NEDD9: variants seen among roughly 807,000 people sequenced by gnomAD.
NEDD9 encodes the protein enhancer of filamentation 1.
Under a neutral mutation model 76.6 loss-of-function variants are expected in NEDD9, and 26 were observed. The ratio of observed to expected loss-of-function variants is 0.34; its 90% CI spans 0.25 to 0.47. The LOEUF (loss-of-function observed/expected upper bound fraction) is 0.47, where lower values mean the gene tolerates loss of function less well. Among genes scored for constraint, NEDD9 ranks in the 20% least tolerant of loss-of-function variants. The pLI, the probability that NEDD9 is intolerant of heterozygous loss-of-function variation, is 1.00. For missense variants in NEDD9, 937 were observed against 1,058.5 expected (o/e 0.89, Z 1.59); for synonymous variants, 392 against 414.2 (o/e 0.95, Z 0.65).
chr6:11,192,739 C>T (rs987601200), intron 3 of NEDD9, among the ~76,000 whole-genome samples: 1 of 148,830 alleles, frequency 6.7e-6, no homozygotes, highest in African/African-American at 2.5e-5. Flanking sequence ...TCGAGACCAT[C>T]CTGGCCAACA....
In NEDD9 at chr6:11,345,250, G is replaced by T. The variant is rs953018790; in HGVS notation, c.-213-10689C>A. On this transcript the variant is annotated intron_variant, in intron 1 of 3. Transcript: ENST00000397378. The stretch of plus-strand genomic sequence containing the variant: ...GGGAAGAGCTGGGGCTAGGGAATGA[G>T]AGATGAAGATGAGCTGATTTAATGC... Among the ~76,000 whole-genome samples, 4 of 152,218 alleles carry T rather than the reference G, an allele frequency of 2.6e-5. No homozygotes were observed. The South Asian group carries it at 8.3e-4, about 32-fold the overall frequency.
intron 3 of NEDD9, among the ~76,000 whole-genome samples, chr6:11,261,851 G>A (rs546708758): frequency 1.2e-4 from 18 of 152,074 alleles, no homozygotes; most frequent in Non-Finnish European, 2.2e-4. Flanking sequence ...TCGGCCCAGC[G>A]GTGAAGCTTG....
chr6:11,205,111 A>G (rs149427931), intron 2 of NEDD9, among the ~76,000 whole-genome samples: 1,656 of 152,336 alleles, frequency 0.011, 28 homozygotes, highest in African/African-American at 0.038. Context: ...AATCATTAGC[A>G]TTGGAGTCAG....
intron 1 of NEDD9, among the ~76,000 whole-genome samples, chr6:11,217,204 A>G (rs935820610): frequency 3.3e-5 from 5 of 152,340 alleles, no homozygotes; most frequent in Non-Finnish European, 5.9e-5. Context: ...ACCATAAACC[A>G]TCTCATTCAA....
rs34890588 is a variant in NEDD9 at position 11,197,252 on chromosome 6, CTT to C, written c.460-3562_460-3561del. Among the ~76,000 whole-genome samples, 31 of 144,596 alleles carry C rather than the reference CTT, an allele frequency of 2.1e-4. No homozygotes were observed. In the East Asian group the frequency reaches 3.4e-3, roughly 16 times the overall value. 94.9% of individuals were successfully genotyped at this position (144,596 alleles called of 152,430 possible). A position where few individuals can be genotyped will look rare whatever the true frequency, so the allele number is the denominator to read the frequency against. ...TTCATTTCCTTTCCCCCTCTGTTTGCTTTTTTTTTTTTCTACATTCCTTTCAT... is the reference window on the plus strand; with the variant it reads ...TTCATTTCCTTTCCCCCTCTGTTTGCTTTTTTTTTTCTACATTCCTTTCAT... On this transcript the variant is annotated intron_variant, in intron 2 of 6. Transcript: ENST00000379446.
At position 11,184,947 on chromosome 6, in the gene NEDD9, T is replaced by G; in HGVS notation, c.*215A>C. 1.9e-6 allele frequency: 1 copy of G among 529,476 alleles called. No homozygotes were observed. The highest frequency in any genetic ancestry group is 3.2e-6 in the Non-Finnish European group (1 of 313,396). 32.8% of individuals were successfully genotyped at this position (529,476 alleles called of 1,614,324 possible). A position where few individuals can be genotyped will look rare whatever the true frequency, so the allele number is the denominator to read the frequency against. On this transcript the variant is annotated 3_prime_UTR_variant, in exon 7 of 7. Transcript: ENST00000379446. ...TCTGTACAGTTTATGTCTCAGATAC[T>G]TCTATGTATACATAAGAACCACTCA...
chr6:11,292,063 G>C (rs1191862900), intron 3 of NEDD9, among the ~76,000 whole-genome samples: 1 of 152,182 alleles, frequency 6.6e-6, no homozygotes, highest in Non-Finnish European at 1.5e-5. Context: ...GGGGAAAATA[G>C]ACTTACTTTA....
intron 1 of NEDD9, among the ~76,000 whole-genome samples, chr6:11,231,935 T>G (rs990880029): frequency 1.7e-4 from 26 of 152,232 alleles, no homozygotes; most frequent in African/African-American, 5.8e-4. Context: ...TATTTATTCC[T>G]ACATCCAATA....
intron 3 of NEDD9, among the ~76,000 whole-genome samples, chr6:11,289,841 G>A (rs1760728486): frequency 2.0e-5 from 3 of 152,140 alleles, no homozygotes; most frequent in South Asian, 4.1e-4. Flanking sequence ...ATCTCAGACT[G>A]TTAAATAATT....
intron 1 of NEDD9, chr6:11,352,708 C>T (rs1762491050): frequency 6.6e-6 from 1 of 152,196 alleles, no homozygotes. Flanking sequence ...CAATATCTAG[C>T]TTTGTGAGCT....
intron 3 of NEDD9, among the ~76,000 whole-genome samples, chr6:11,278,665 A>G (rs529609703): frequency 6.6e-6 from 1 of 152,360 alleles, no homozygotes; most frequent in Admixed American, 6.5e-5. Context: ...AAGATACTGG[A>G]TTTCCCATCT....
At chr6:11,267,074 G>A (rs567954670) in intron 3 of NEDD9, among the ~76,000 whole-genome samples, 3 of 152,146 alleles carry the variant, frequency 2.0e-5, no homozygotes, top group Non-Finnish European at 4.4e-5. Flanking sequence ...GCACATGCTG[G>A]AATTACCTGC....
intron 1 of NEDD9, among the ~76,000 whole-genome samples, chr6:11,371,657 G>A (rs1392786351): frequency 6.6e-6 from 1 of 152,208 alleles, no homozygotes; most frequent in Non-Finnish European, 1.5e-5. Context: ...ATGGGTTGAA[G>A]GTTGTAGATA....
At chr6:11,290,481 C>T (rs1054936148) in intron 3 of NEDD9, among the ~76,000 whole-genome samples, 8 of 152,166 alleles carry the variant, frequency 5.3e-5, no homozygotes, top group South Asian at 2.1e-4. Context: ...GAAGCATTTC[C>T]CATAATTACG....
intron 2 of NEDD9, among the ~76,000 whole-genome samples, chr6:11,196,560 C>T (rs984704380): frequency 6.6e-6 from 1 of 152,144 alleles, no homozygotes; most frequent in Admixed American, 6.5e-5. Flanking sequence ...CTCTCTCTTT[C>T]TCATTTAGAG....
Position 11,198,308 on chromosome 6 carries a change from A to G in NEDD9, c.460-4616T>C, listed in dbSNP as rs1758340376. ...ATTTTTGCCCTCCTTCCTCTTGGAA[A>G]TCTTCTGAAGGCAGGGCCCCCAGGC... On this transcript the variant is annotated intron_variant, in intron 2 of 6. Coordinates refer to ENST00000379446, the MANE Select transcript of NEDD9 (RefSeq NM_006403.4). The surrounding 1 kb of genome is among the most constrained non-coding windows in gnomAD (Gnocchi z 4.7). The G allele has an allele frequency of 2.6e-5, 4 of 152,050 alleles. No individual in the cohort carries two copies. Among genetic ancestry groups the G allele is most frequent in the Admixed American group, 2.6e-4 (4 of 15,264 alleles). The allele number at this position is 152,050 out of a possible 1,614,324, so 9.4% of individuals were successfully genotyped here. A position where few individuals can be genotyped will look rare whatever the true frequency, so the allele number is the denominator to read the frequency against.
intron 2 of NEDD9, among the ~76,000 whole-genome samples, chr6:11,307,616 A>T (rs550136174): frequency 6.6e-5 from 10 of 152,288 alleles, no homozygotes; most frequent in African/African-American, 1.9e-4. Context: ...GATACCATAA[A>T]CTACAGTACC....
intron 3 of NEDD9, among the ~76,000 whole-genome samples, chr6:11,250,430 A>G (rs181163556): frequency 1.3e-5 from 2 of 152,328 alleles, no homozygotes; most frequent in East Asian, 1.9e-4. Flanking sequence ...TCAGCATCAT[A>G]AATGCTAAGG....
chr6:11,229,191 TG>T (rs923367008), intron 1 of NEDD9, among the ~76,000 whole-genome samples: 7 of 152,230 alleles, frequency 4.6e-5, no homozygotes, highest in Admixed American at 6.5e-5. Flanking sequence ...TTAATGGCAT[TG>T]TAAGTTCCGT....
Sources: allele counts gnomAD v4.1 joint callset (sites outside exome capture counted in the v4.1 genomes callset), GRCh38; gene constraint gnomAD v4.1.1; non-coding constraint Gnocchi (gnomAD v3.1); transcripts MANE v1.5; gene names NCBI Gene and HGNC (gene_info 2026-07-23, HGNC 2026-07-21).